CNBD1: variants seen among roughly 807,000 people sequenced by gnomAD.
CNBD1 encodes the protein cyclic nucleotide binding domain containing 1.
Under a neutral mutation model 54.4 loss-of-function variants are expected in CNBD1, and 71 were observed. That is an observed-to-expected ratio of 1.30 (90% CI 1.08 to 1.59). The LOEUF (loss-of-function observed/expected upper bound fraction) is 1.59. CNBD1 is among the 40% of genes most tolerant of loss of function. The pLI is 0.00. For synonymous variants in CNBD1, 182 were observed against 170.7 expected (o/e 1.07, Z -0.51); for missense variants, 659 against 518.0 (o/e 1.27, Z -2.64).
intron 5 of CNBD1, among the ~76,000 whole-genome samples, chr8:87,222,271 T>C (rs1012316197): frequency 6.6e-6 from 1 of 152,152 alleles, no homozygotes; most frequent in Non-Finnish European, 1.5e-5. Flanking sequence ...AGAGAAATAC[T>C]GTAGGGGATC....
chr8:86,976,078 C>T (rs901888647), intron 4 of CNBD1, among the ~76,000 whole-genome samples: 2 of 149,658 alleles, frequency 1.3e-5, no homozygotes, highest in African/African-American at 2.5e-5. Context: ...AATAGGGATA[C>T]TTGTTTTCTC....
intron 4 of CNBD1, among the ~76,000 whole-genome samples, chr8:87,154,975 C>G (rs1812683880): frequency 6.6e-6 from 1 of 152,162 alleles, no homozygotes; most frequent in South Asian, 2.1e-4. Flanking sequence ...AGTATCATAG[C>G]TGTACCATTC....
At chr8:87,387,507 G>A (rs1422416823), downstream of CNBD1, among the ~76,000 whole-genome samples, 2 of 152,112 alleles carry the variant, frequency 1.3e-5, no homozygotes, top group African/African-American at 4.8e-5. Context: ...AAGAGACAAA[G>A]AAAGCCATTA....
chr8:87,224,183 T>C (rs550166670), intron 5 of CNBD1, among the ~76,000 whole-genome samples: 1 of 151,854 alleles, frequency 6.6e-6, no homozygotes, highest in Non-Finnish European at 1.5e-5. Flanking sequence ...TTTCTCCCAT[T>C]TTGTAGGTTG....
intron 4 of CNBD1, among the ~76,000 whole-genome samples, chr8:87,009,073 AT>A: frequency 6.6e-6 from 1 of 151,748 alleles, no homozygotes; most frequent in South Asian, 2.1e-4. Context: ...TTCTTTCCTG[AT>A]CATTTTCTGG....
chr8:87,354,580 T>C (rs1026060940), intron 10 of CNBD1, among the ~76,000 whole-genome samples: 7 of 148,898 alleles, frequency 4.7e-5, no homozygotes, highest in Admixed American at 1.3e-4. Flanking sequence ...CAACTGTCCC[T>C]GGTGTGTGAT....
intron 6 of CNBD1, among the ~76,000 whole-genome samples, chr8:87,260,797 G>C (rs1479001568): frequency 6.6e-6 from 1 of 151,864 alleles, no homozygotes; most frequent in Non-Finnish European, 1.5e-5. Context: ...GTTATCTTTA[G>C]TAAGATTTTG....
chr8:87,385,473 C>T (rs1011602882), downstream of CNBD1, among the ~76,000 whole-genome samples: 1 of 152,062 alleles, frequency 6.6e-6, no homozygotes, highest in African/African-American at 2.4e-5. Context: ...AGATTATATC[C>T]TGCACATGTC....
chr8:87,360,313 G>A (rs189084998), intron 10 of CNBD1, among the ~76,000 whole-genome samples: 123 of 152,002 alleles, frequency 8.1e-4, no homozygotes, highest in Non-Finnish European at 1.3e-3. Flanking sequence ...GACTTGAGGA[G>A]TGGCTTATTT....
At chr8:87,228,962 G>C (rs183149336) in intron 5 of CNBD1, among the ~76,000 whole-genome samples, 3 of 152,298 alleles carry the variant, frequency 2.0e-5, no homozygotes, top group East Asian at 3.9e-4. Flanking sequence ...TTTTAAGCCC[G>C]TCGGAAAAGC....
intron 6 of CNBD1, among the ~76,000 whole-genome samples, chr8:87,250,624 T>A (rs575995245): frequency 1.8e-4 from 28 of 152,190 alleles, no homozygotes; most frequent in Admixed American, 1.0e-3. Flanking sequence ...ATGTACATAA[T>A]GGGATATTAT....
intron 8 of CNBD1, among the ~76,000 whole-genome samples, chr8:87,322,324 T>A (rs1207569542): frequency 8.3e-6 from 1 of 121,022 alleles, no homozygotes; most frequent in Non-Finnish European, 1.8e-5. Context: ...TACCCAGTAA[T>A]GGGATGGCTG....
chr8:87,397,798 A>G (rs1054056327), intron 2 of CNBD1, among the ~76,000 whole-genome samples: 2 of 151,972 alleles, frequency 1.3e-5, no homozygotes, highest in Non-Finnish European at 2.9e-5. Flanking sequence ...TGGGAGGGAC[A>G]TGGTGGTTGA....
chr8:87,200,859 CT>C (rs1813844616), intron 4 of CNBD1, among the ~76,000 whole-genome samples: 1 of 152,104 alleles, frequency 6.6e-6, no homozygotes, highest in African/African-American at 2.4e-5. Context: ...TTCACAAAAT[CT>C]TTCAAAAAAT....
rs1322971365 is a variant in CNBD1 at position 87,237,091 on chromosome 8, C to G, written c.750C>G (p.Tyr250Ter). The change falls in exon 6 of 11, where the codon TAC becomes TAG. Residue 250 changes from tyrosine to a stop codon, truncating the protein, a stop_gained. Transcript: ENST00000518476. LOFTEE classifies it high-confidence loss of function. ...EFKNSTLAEM[Y>*]LPSYDSMLSK... ...AAAACTCTACACTTGCTGAGATGTA[C>G]CTACCTTCATATGACTCAATGGTAA... The G allele has an allele frequency of 6.2e-7, 1 of 1,609,110 alleles. No individual in the cohort carries two copies. Among genetic ancestry groups the G allele is most frequent in the Middle Eastern group, 1.7e-4 (1 of 6,036 alleles).
intron 8 of CNBD1, among the ~76,000 whole-genome samples, chr8:87,339,862 A>G (rs1810029664): frequency 1.3e-5 from 2 of 152,068 alleles, no homozygotes; most frequent in East Asian, 1.9e-4. Context: ...TATTTCTATA[A>G]TTATAATTTT....
chr8:87,275,324 G>A (rs1402940097), intron 6 of CNBD1, among the ~76,000 whole-genome samples: 3 of 150,474 alleles, frequency 2.0e-5, no homozygotes, highest in East Asian at 2.0e-4. Flanking sequence ...AGTCATTGGT[G>A]GCTTGATGGG....
intron 2 of CNBD1, among the ~76,000 whole-genome samples, chr8:87,421,988 C>G (rs1365510903): frequency 6.7e-6 from 1 of 150,018 alleles, no homozygotes; most frequent in East Asian, 1.9e-4. Flanking sequence ...GAGATGGTAT[C>G]TCATTGTGGT....
Position 87,061,033 on chromosome 8 carries a change from A to G in CNBD1, c.431+121279A>G, listed in dbSNP as rs1308691614. On this transcript the variant is annotated intron_variant, in intron 4 of 10. Transcript: ENST00000518476. ...GCTCATCATGACAGCCCAGATTTCA[A>G]TGGTAGTGAAAGTCAAATTATTCTT... is the stretch of plus-strand genomic sequence containing the variant. Among the ~76,000 whole-genome samples the G allele has an allele frequency of 6.6e-5, 10 of 152,178 alleles. No homozygotes were observed. In the East Asian group the frequency reaches 9.6e-4, roughly 15 times the overall value.
Sources: gnomAD v4.1 joint callset for allele counts (sites outside exome capture counted in the v4.1 genomes callset) on GRCh38, gnomAD v4.1.1 for gene constraint, MANE v1.5 for transcripts, NCBI Gene and HGNC (gene_info 2026-07-23, HGNC 2026-07-21) for gene names.